The following LEO1 variants were observed in gnomAD, a reference collection of about 807,000 sequenced individuals.
The protein encoded by LEO1 is RNA polymerase-associated protein LEO1.
LEO1 carries 34 observed loss-of-function variants against 80.4 expected under a neutral mutation model. That is an observed-to-expected ratio of 0.42 (90% CI 0.32 to 0.56). The LOEUF is 0.56. LEO1 is among the 20% of genes least tolerant of loss of function. LEO1 has a pLI of 0.10. For missense variants in LEO1, 631 were observed against 814.2 expected, an observed-to-expected ratio of 0.77 and a Z score of 2.74; for synonymous variants, 262 against 274.9, an observed-to-expected ratio of 0.95 and a Z score of 0.46.
intron 10 of LEO1, among the ~76,000 whole-genome samples, chr15:51,948,963 G>C (rs961911042): frequency 2.0e-5 from 3 of 152,156 alleles, no homozygotes; most frequent in African/African-American, 7.2e-5. Context: ...GTGCCTTTGG[G>C]CAAATTAGTC....
rs778713295 is a variant in LEO1 at position 51,966,231 on chromosome 15, T to A, written c.332A>T (p.Glu111Val). 1 of 1,614,012 alleles carries A rather than the reference T, an allele frequency of 6.2e-7. No individual in the cohort carries two copies. The highest frequency in any genetic ancestry group is 1.7e-5 in the Admixed American group (1 of 60,014). The change falls in exon 2 of 12, where the codon GAA (glutamate) becomes GTA (valine). Residue 111 changes from glutamate (E) to valine (V), a missense_variant. This residue lies in a region of LEO1 where 394 missense variants were observed against 395.6 expected (regional missense o/e 1.00). Coordinates refer to ENST00000299601, the MANE Select transcript of LEO1 (RefSeq NM_138792.4). ...TTCGTCTTCATCATCATTAGGGGCTTCTGATCCACTGTGCTGATCTACATC... is the reference window on the plus strand; with the variant it reads ...TTCGTCTTCATCATCATTAGGGGCTACTGATCCACTGTGCTGATCTACATC... ...PSDVDQHSGS[E>V]APNDDEDEGH...
At chr15:51,943,069 A>G (rs2056869023) in intron 11 of LEO1, among the ~76,000 whole-genome samples, 1 of 151,950 alleles carries the variant, frequency 6.6e-6, no homozygotes, top group Admixed American at 6.6e-5. Flanking sequence ...CTTGGGCAAC[A>G]AAGTGAGACC....
rs1221247050 is a variant in LEO1, at chr15:51,965,848, C to G, written c.715G>C (p.Asp239His). 4.3e-6 allele frequency: 7 copies of G among 1,614,008 alleles called. No individual in the cohort carries two copies. The highest frequency in any genetic ancestry group is 5.9e-6 in the Non-Finnish European group (7 of 1,180,024). The change falls in exon 2 of 12, where the codon GAT becomes CAT. Residue 239 changes from aspartate (D) to histidine (H), a missense_variant. Physicochemically the swap from Asp to His is moderately conservative, Grantham distance 81. Around this residue, in one of 4 missense-constraint regions of LEO1, gnomAD observed 394 missense variants for 395.6 expected, o/e 1.00. Coordinates refer to ENST00000299601, the MANE Select transcript of LEO1 (RefSeq NM_138792.4). ...SDDEEQPQLS[D>H]EEKMQNSDDE... Reference sequence around the variant, plus strand: ...TCAGAATTTTGCATTTTCTCTTCATCAGACAGCTGTGGTTGTTCTTCATCA... The same window carrying G: ...TCAGAATTTTGCATTTTCTCTTCATGAGACAGCTGTGGTTGTTCTTCATCA...
intron 6 of LEO1, among the ~76,000 whole-genome samples, chr15:51,956,360 C>T (rs907506572): frequency 2.9e-5 from 4 of 139,340 alleles, no homozygotes; most frequent in African/African-American, 8.1e-5. Context: ...GCGGGGGTTG[C>T]AGTGAGCTGA....
At chr15:51,952,160 C>T (rs766087002) in intron 8 of LEO1, 181 bp from the exon 9 acceptor site, 3 of 486,140 alleles carry the variant, frequency 6.2e-6, no homozygotes, top group Non-Finnish European at 1.1e-5. Context: ...TTCTGTGGCT[C>T]ACTGAGACAT....
At chr15:51,964,642 G>C (rs756692807) in intron 2 of LEO1, among the ~76,000 whole-genome samples, 2 of 151,712 alleles carry the variant, frequency 1.3e-5, no homozygotes, top group African/African-American at 4.8e-5. Context: ...CTGGAAATAT[G>C]CTGCCCTCCT....
intron 7 of LEO1, among the ~76,000 whole-genome samples, chr15:51,953,503 C>T (rs2056964902): frequency 6.6e-6 from 1 of 152,100 alleles, no homozygotes; most frequent in Non-Finnish European, 1.5e-5. Context: ...CCCCTGTAGT[C>T]CCAGCCTTCG....
At position 51,966,079 on chromosome 15, in the gene LEO1, A is replaced by T. The variant is rs116532084; in HGVS notation, c.484T>A (p.Ser162Thr). The T allele has an allele frequency of 4.3e-6, 7 of 1,613,540 alleles. No homozygotes were observed. In the East Asian group the frequency reaches 1.1e-4, roughly 26 times the overall value. Residue 162 changes from serine (S) to threonine (T), a missense_variant, in exon 2 of 12, where the codon TCT (serine) becomes ACT (threonine). By Grantham distance (58) the Ser-to-Thr change is moderately conservative. Around this residue, in one of 4 missense-constraint regions of LEO1, gnomAD observed 394 missense variants for 395.6 expected, o/e 1.00. Coordinates refer to ENST00000299601, the MANE Select transcript of LEO1 (RefSeq NM_138792.4). ...CCTTGTGCCCTCTCCTCATCATCAG[A>T]ATTTTGTATCTTTTCATCATCTGAC... ...DQSDDEKIQN[S>T]DDEERAQGSD...
chr15:51,945,658 A>G (rs2056893911), intron 11 of LEO1, among the ~76,000 whole-genome samples: 1 of 152,234 alleles, frequency 6.6e-6, no homozygotes, highest in African/African-American at 2.4e-5. Flanking sequence ...TACTTTATAT[A>G]GTATTTCACT....
chr15:51,966,108 T>C lies in LEO1; in HGVS notation c.455A>G (p.Asp152Gly). 6.2e-7 allele frequency: 1 copy of C among 1,614,052 alleles called. No individual in the cohort carries two copies. Among genetic ancestry groups the C allele is most frequent in the Non-Finnish European group, 8.5e-7 (1 of 1,180,038 alleles). Residue 152 changes from aspartate (D) to glycine (G), a missense_variant, in exon 2 of 12, where the codon GAC (aspartate) becomes GGC (glycine). Physicochemically the swap from Asp to Gly is moderately conservative, Grantham distance 94. This residue lies in a region of LEO1 where 394 missense variants were observed against 395.6 expected (regional missense o/e 1.00). Coordinates refer to ENST00000299601, the MANE Select transcript of LEO1 (RefSeq NM_138792.4). ...DEKWGREDKS[D>G]QSDDEKIQNS... ...TTGTATCTTTTCATCATCTGACTGG[T>C]CACTTTTATCTTCTCTGCCCCATTT... is the stretch of plus-strand genomic sequence containing the variant.
intron 10 of LEO1, among the ~76,000 whole-genome samples, chr15:51,949,275 A>G (rs913582207): frequency 1.3e-5 from 2 of 152,246 alleles, no homozygotes; most frequent in African/African-American, 4.8e-5. Context: ...AAGTTCCAGT[A>G]TAACTGGCAA....
intron 5 of LEO1, 103 bp from the exon 6 acceptor site, chr15:51,958,929 A>G: frequency 3.7e-6 from 2 of 547,154 alleles, no homozygotes; most frequent in Non-Finnish European, 6.4e-6. Flanking sequence ...TCAAAAAATC[A>G]TAATATAATT....
intron 2 of LEO1, among the ~76,000 whole-genome samples, chr15:51,962,698 A>G (rs1422964006): frequency 6.6e-6 from 1 of 152,222 alleles, no homozygotes; most frequent in Non-Finnish European, 1.5e-5. Flanking sequence ...GAAAGACTAC[A>G]TACTTACTGT....
At position 51,947,403 on chromosome 15, in the gene LEO1, T is replaced by C. The variant is rs371121298; in HGVS notation, c.1799-14A>G. The C allele has an allele frequency of 1.6e-5, 25 of 1,578,182 alleles. No homozygotes were observed. The highest frequency in any genetic ancestry group is 2.1e-5 in the Non-Finnish European group (24 of 1,153,864). ...TGGCTCGTTCCTCTGAAAGCAAAAG[T>C]ACAGATTGTGAGTCACCTTTTTTTT... On this transcript the variant is annotated splice_polypyrimidine_tract_variant and intron_variant, in intron 10 of 11. Coordinates refer to ENST00000299601, the MANE Select transcript of LEO1 (RefSeq NM_138792.4).
At chr15:51,968,642 A>G (rs540332157) in intron 1 of LEO1, among the ~76,000 whole-genome samples, 1 of 152,264 alleles carries the variant, frequency 6.6e-6, no homozygotes, top group Admixed American at 6.5e-5. Context: ...CAGCCTGGCC[A>G]ATATGGTGAA....
chr15:51,962,872 T>C (rs921605119), intron 2 of LEO1, among the ~76,000 whole-genome samples: 6 of 151,876 alleles, frequency 4.0e-5, no homozygotes, highest in African/African-American at 1.2e-4. Context: ...GTGGTGGTGG[T>C]TAGACAAATC....
chr15:51,969,573 A>G (rs2057106043), intron 1 of LEO1, among the ~76,000 whole-genome samples: 1 of 149,844 alleles, frequency 6.7e-6, no homozygotes, highest in African/African-American at 2.5e-5. Flanking sequence ...AGGCAAAGGC[A>G]GGAGAATCGC....
rs547437007 is a variant in LEO1 at position 51,971,400 on chromosome 15, C to G, written c.58+288G>C. Among the ~76,000 whole-genome samples, 6 of 152,358 alleles carry G rather than the reference C, an allele frequency of 3.9e-5. No homozygotes were observed. The East Asian group carries it at 1.2e-3, about 29-fold the overall frequency. Reference sequence around the variant, plus strand: ...AACAGGACTCCAACGTTCCTACCCGCGCTGCGCAGGCTCGCCTGCACTTCC... The same window carrying G: ...AACAGGACTCCAACGTTCCTACCCGGGCTGCGCAGGCTCGCCTGCACTTCC... On this transcript the variant is annotated intron_variant, in intron 1 of 11. Coordinates refer to ENST00000299601, the MANE Select transcript of LEO1 (RefSeq NM_138792.4).
intron 10 of LEO1, among the ~76,000 whole-genome samples, chr15:51,948,832 G>A (rs933493242): frequency 3.3e-5 from 5 of 152,188 alleles, no homozygotes; most frequent in Admixed American, 1.3e-4. Flanking sequence ...TCACCATGTC[G>A]TCTTGCTACT....
Sources: allele counts gnomAD v4.1 joint callset (sites outside exome capture counted in the v4.1 genomes callset), GRCh38; gene constraint gnomAD v4.1.1; regional missense constraint gnomAD v4.1.1; transcripts MANE v1.5; gene names NCBI Gene and HGNC (gene_info 2026-07-23, HGNC 2026-07-21).